ANKFN1: variants seen among roughly 807,000 people sequenced by gnomAD.
The protein encoded by ANKFN1 is ankyrin repeat and fibronectin type III domain containing 1.
ANKFN1 carries 74 observed loss-of-function variants against 108.7 expected under a neutral mutation model. The observed-to-expected ratio is 0.68, with a 90% CI of 0.56 to 0.83. ANKFN1 has a LOEUF of 0.83. ANKFN1 is among the 40% of genes least tolerant of loss of function. The probability of loss-of-function intolerance (pLI) is 0.00; values close to 1 mark genes in which losing one functional copy is unlikely to be tolerated. For missense variants in ANKFN1, 1,505 were observed against 1,382.3 expected (o/e 1.09, Z -1.41); for synonymous variants, 547 against 516.2 (o/e 1.06, Z -0.81).
At position 56,372,857 on chromosome 17, in the gene ANKFN1, A is replaced by G; in HGVS notation, c.796+17A>G. On this transcript the variant is annotated intron_variant, in intron 7 of 20. Transcript: ENST00000682825. ...AGCATGCCAGTGAGTATAAGCAGAA[A>G]ATGTCTACATTTCACTAGACTGAGC... 1.9e-6 allele frequency: 3 copies of G among 1,603,246 alleles called. No homozygotes were observed. The highest frequency in any genetic ancestry group is 2.6e-6 in the Non-Finnish European group (3 of 1,176,340).
chr17:56,318,424 A>G (rs1404549062), intron 3 of ANKFN1, among the ~76,000 whole-genome samples: 1 of 152,192 alleles, frequency 6.6e-6, no homozygotes, highest in East Asian at 1.9e-4. Context: ...ATTCTTTTCA[A>G]TTAAACCTAT....
intron 4 of ANKFN1, among the ~76,000 whole-genome samples, chr17:56,088,767 T>G (rs923769575): frequency 6.6e-6 from 1 of 151,268 alleles, no homozygotes; most frequent in Admixed American, 6.6e-5. Context: ...CTGTAAGCTT[T>G]GTCCTCCCTT....
At chr17:56,480,840 A>T (rs1172543076) in intron 17 of ANKFN1, 22 bp downstream of exon 17, 5 of 1,606,570 alleles carry the variant, frequency 3.1e-6, no homozygotes, top group Admixed American at 1.7e-5. Flanking sequence ...TACCATTTTT[A>T]TCTTCTTTTT....
chr17:56,246,431 A>G (rs1031756588), intron 3 of ANKFN1, among the ~76,000 whole-genome samples: 4 of 152,170 alleles, frequency 2.6e-5, no homozygotes, highest in Admixed American at 2.6e-4. Flanking sequence ...AATATTAGCC[A>G]TTGACCCGCT....
At chr17:56,159,279 T>C (rs1317209172) in intron 1 of ANKFN1, among the ~76,000 whole-genome samples, 1 of 152,202 alleles carries the variant, frequency 6.6e-6, no homozygotes, top group Non-Finnish European at 1.5e-5. Flanking sequence ...ACCAGCTGAT[T>C]GACTGAACAG....
chr17:56,290,238 A>C (rs2044324135), intron 3 of ANKFN1, among the ~76,000 whole-genome samples: 1 of 152,176 alleles, frequency 6.6e-6, no homozygotes, highest in Non-Finnish European at 1.5e-5. Flanking sequence ...AAAGGATTTC[A>C]GGCAGGACCA....
rs1417879302 is a variant in ANKFN1 at position 56,389,818 on chromosome 17, A to C, written c.910+15104A>C. Among the ~76,000 whole-genome samples the C allele has an allele frequency of 2.0e-5, 3 of 152,134 alleles. No individual in the cohort carries two copies. The East Asian group carries it at 5.8e-4, about 29-fold the overall frequency. ...TGAGATATGAGTTCCTTGAAGGCAGAAACTGTGTCTTTTTCATTTCTATTC... is the reference window on the plus strand; with the variant it reads ...TGAGATATGAGTTCCTTGAAGGCAGCAACTGTGTCTTTTTCATTTCTATTC... On this transcript the variant is annotated intron_variant, in intron 8 of 20. Transcript: ENST00000682825.
At chr17:56,272,168 T>C (rs2144186933) in intron 3 of ANKFN1, among the ~76,000 whole-genome samples, 1 of 152,352 alleles carries the variant, frequency 6.6e-6, no homozygotes, top group Non-Finnish European at 1.5e-5. Context: ...TAGAAAGTAC[T>C]ATCTTAACCA....
intron 4 of ANKFN1, among the ~76,000 whole-genome samples, chr17:56,058,396 TG>T (rs1290255911): frequency 6.6e-6 from 1 of 152,240 alleles, no homozygotes; most frequent in Non-Finnish European, 1.5e-5. Flanking sequence ...TGCTTCACCT[TG>T]CACTTTTATG....
At chr17:56,418,460 A>T (rs1374819694) in intron 8 of ANKFN1, among the ~76,000 whole-genome samples, 1 of 152,214 alleles carries the variant, frequency 6.6e-6, no homozygotes, top group Non-Finnish European at 1.5e-5. Flanking sequence ...GAGTAAAATA[A>T]AAATGAAAAT....
intron 1 of ANKFN1, among the ~76,000 whole-genome samples, chr17:56,205,407 A>G (rs530048099): frequency 2.9e-4 from 44 of 152,336 alleles, no homozygotes; most frequent in Admixed American, 2.6e-3. Context: ...GTTGATGCAA[A>G]TATTTATTTA....
intron 8 of ANKFN1, among the ~76,000 whole-genome samples, chr17:56,425,663 C>T (rs758368911): frequency 6.6e-6 from 1 of 152,124 alleles, no homozygotes; most frequent in Admixed American, 6.5e-5. Flanking sequence ...ACAGCAACCT[C>T]TGCCTGGAAT....
At chr17:56,351,995 G>A (rs529934602) in intron 5 of ANKFN1, among the ~76,000 whole-genome samples, 4 of 152,250 alleles carry the variant, frequency 2.6e-5, no homozygotes, top group Non-Finnish European at 4.4e-5. Context: ...GGAATACTAA[G>A]AGCCAAAAAC....
intron 3 of ANKFN1, among the ~76,000 whole-genome samples, chr17:56,295,275 A>G (rs4141008): frequency 0.087 from 13,318 of 152,286 alleles, 566 homozygotes; most frequent in East Asian, 0.16. Context: ...AAGGCAATGC[A>G]GTATGAATTC....
exon 4 of ANKFN1, chr17:56,046,134 A>G (rs184156438): frequency 6.6e-6 from 1 of 152,412 alleles, no homozygotes; most frequent in Admixed American, 6.5e-5. Context: ...GCTATCGAAC[A>G]CGGATAATGA....
chr17:56,283,740 A>T (rs1449287978), intron 3 of ANKFN1, among the ~76,000 whole-genome samples: 1 of 151,874 alleles, frequency 6.6e-6, no homozygotes, highest in Non-Finnish European at 1.5e-5. Flanking sequence ...ACCTCAGGGG[A>T]AAGGGTGGGA....
At chr17:56,447,856 C>T (rs2049349085) in intron 10 of ANKFN1, among the ~76,000 whole-genome samples, 1 of 152,172 alleles carries the variant, frequency 6.6e-6, no homozygotes, top group African/African-American at 2.4e-5. Flanking sequence ...AGTAACTTGC[C>T]TGCAGACACT....
intron 4 of ANKFN1, among the ~76,000 whole-genome samples, chr17:56,346,869 G>A (rs2046117511): frequency 6.6e-6 from 1 of 151,678 alleles, no homozygotes; most frequent in Non-Finnish European, 1.5e-5. Flanking sequence ...TGTGCACACA[G>A]ATATATTCAA....
chr17:56,434,211 C>CT (rs1211500149), intron 8 of ANKFN1, among the ~76,000 whole-genome samples: 1 of 152,026 alleles, frequency 6.6e-6, no homozygotes, highest in Non-Finnish European at 1.5e-5. Flanking sequence ...GTGTGTAGCT[C>CT]TATCATATGA....
Sources: gnomAD v4.1 joint callset for allele counts (sites outside exome capture counted in the v4.1 genomes callset) on GRCh38, gnomAD v4.1.1 for gene constraint, MANE v1.5 for transcripts, NCBI Gene and HGNC (gene_info 2026-07-23, HGNC 2026-07-21) for gene names.